The following KNL1 variants were observed in gnomAD, a reference collection of about 807,000 sequenced individuals.
The protein encoded by KNL1 is kinetochore scaffold 1.
A neutral mutation model predicts 201.3 loss-of-function variants in KNL1; 66 were observed. The ratio of observed to expected loss-of-function variants is 0.33; its 90% CI spans 0.27 to 0.40. KNL1 has a LOEUF of 0.40. KNL1 is among the 10% of genes least tolerant of loss of function. KNL1 has a pLI of 1.00. For synonymous variants in KNL1, 895 were observed against 899.2 expected (o/e 1.00, Z 0.08); for missense variants, 2,815 against 2,690.5 (o/e 1.05, Z -1.02).
At chr15:40,620,041 A>G (rs1449570432) in intron 9 of KNL1, among the ~76,000 whole-genome samples, 1 of 152,026 alleles carries the variant, frequency 6.6e-6, no homozygotes, top group Non-Finnish European at 1.5e-5. Flanking sequence ...CAGTCCTCCC[A>G]CCTCAGCCTT....
intron 1 of KNL1, 102 bp from the exon 2 acceptor site, chr15:40,602,813 G>T: frequency 1.6e-6 from 1 of 643,304 alleles, no homozygotes; most frequent in Non-Finnish European, 2.7e-6. Context: ...TCTTCCCTCA[G>T]AAAGTAACCC....
chr15:40,603,402 A>G (rs12916082), intron 2 of KNL1, among the ~76,000 whole-genome samples: 130,142 of 152,154 alleles, frequency 0.86, 56,470 homozygotes, highest in African/African-American at 0.94. Context: ...CCATGTCCCT[A>G]CAAAGTACAT....
intron 13 of KNL1, among the ~76,000 whole-genome samples, chr15:40,638,526 C>T (rs1048229924): frequency 1.3e-5 from 2 of 151,808 alleles, no homozygotes; most frequent in Non-Finnish European, 2.9e-5. Flanking sequence ...GAGTCTTGCT[C>T]TGTCACCTAG....
chr15:40,604,095 A>C (rs746895852), intron 2 of KNL1, among the ~76,000 whole-genome samples: 14 of 150,670 alleles, frequency 9.3e-5, no homozygotes, highest in Non-Finnish European at 1.9e-4. Context: ...TCTGCCTCCT[A>C]CCTCAAGACC....
intron 13 of KNL1, among the ~76,000 whole-genome samples, chr15:40,632,020 A>C (rs1168603950): frequency 6.6e-6 from 1 of 151,868 alleles, no homozygotes; most frequent in Admixed American, 6.6e-5. Flanking sequence ...AAAAAAAAAA[A>C]AAAAGAATAA....
chr15:40,659,716 G>A (rs971739890), intron 25 of KNL1, among the ~76,000 whole-genome samples: 4 of 151,958 alleles, frequency 2.6e-5, no homozygotes, highest in Non-Finnish European at 2.9e-5. Flanking sequence ...TCCTGACCTC[G>A]TGGTCCGCCC....
chr15:40,624,450 C>A lies in KNL1; in HGVS notation c.4186C>A (p.Arg1396=), dbSNP rs375607611. Residue 1396 remains arginine (R), a synonymous_variant, in exon 10 of 26, where the codon CGA becomes AGA. Coordinates refer to ENST00000399668, the MANE Select transcript of KNL1 (RefSeq NM_144508.5). ...AGATCAAGATCTGATTAAGGATCCA[C>A]GAAATCTATTGGCTAATCAAACTTT... is the stretch of plus-strand genomic sequence containing the variant. ...HKDQDLIKDP[R]NLLANQTLVY... The A allele has an allele frequency of 6.2e-7, 1 of 1,613,758 alleles. No homozygotes were observed. The highest frequency in any genetic ancestry group is 1.1e-5 in the South Asian group (1 of 91,078).
intron 14 of KNL1, among the ~76,000 whole-genome samples, chr15:40,641,892 C>T (rs888126826): frequency 3.9e-5 from 6 of 152,124 alleles, no homozygotes; most frequent in Non-Finnish European, 8.8e-5. Context: ...CTATGGTATA[C>T]GTAAATACTG....
At chr15:40,656,091 G>A (rs1448978195) in intron 22 of KNL1, among the ~76,000 whole-genome samples, 1 of 152,042 alleles carries the variant, frequency 6.6e-6, no homozygotes, top group Non-Finnish European at 1.5e-5. Context: ...GGAAACTACA[G>A]ATCAAAAAAC....
intron 13 of KNL1, among the ~76,000 whole-genome samples, chr15:40,629,766 G>T (rs1892860319): frequency 6.6e-6 from 1 of 151,946 alleles, no homozygotes; most frequent in Admixed American, 6.6e-5. Context: ...CTCCCAAAGT[G>T]CTGGGTTTAC....
intron 2 of KNL1, among the ~76,000 whole-genome samples, chr15:40,603,344 T>C (rs1443368278): frequency 2.0e-5 from 3 of 152,186 alleles, no homozygotes; most frequent in African/African-American, 7.2e-5. Flanking sequence ...GGTGTTTGGT[T>C]TTCTGTCCTT....
At chr15:40,617,439 T>G (rs1419657843) in intron 8 of KNL1, among the ~76,000 whole-genome samples, 2 of 152,202 alleles carry the variant, frequency 1.3e-5, no homozygotes, top group African/African-American at 4.8e-5. Context: ...ACTGTGGCAT[T>G]AAGCCACAGT....
At chr15:40,626,674 G>C (rs1385608577) in intron 10 of KNL1, among the ~76,000 whole-genome samples, 2 of 151,746 alleles carry the variant, frequency 1.3e-5, no homozygotes, top group Non-Finnish European at 2.9e-5. Context: ...CCATCTCCCT[G>C]GTTCAAGTGA....
rs761680194 is a variant in KNL1 at position 40,650,264 on chromosome 15, T to G, written c.6095-37T>G. The G allele has an allele frequency of 3.9e-6, 5 of 1,279,322 alleles. No individual in the cohort carries two copies. The East Asian group carries it at 1.2e-4, about 30-fold the overall frequency. The allele number at this position is 1,279,322 out of a possible 1,614,324, so 79.2% of individuals were successfully genotyped here. A position where few individuals can be genotyped will look rare whatever the true frequency, so the allele number is the denominator to read the frequency against. ...ACTTTGTTTTCTTTTTTTACTATTT[T>G]TCACTGAATTATTCTAACAAATACT... On this transcript the variant is annotated intron_variant, in intron 17 of 25. Transcript: ENST00000399668.
Position 40,604,303 on chromosome 15 carries a change from C to T in KNL1, c.36-807C>T, listed in dbSNP as rs75394906. Among the ~76,000 whole-genome samples, 1,284 of 152,114 alleles carry T rather than the reference C, an allele frequency of 8.4e-3. 16 individuals carry two copies. The highest frequency in any genetic ancestry group is 0.03 in the African/African-American group (1,236 of 41,518). ...AGAACCAGGAAGAAAAATGATTTGT[C>T]TAAAATTGACATCACAACCTGGTGG... On this transcript the variant is annotated intron_variant, in intron 2 of 25. Transcript: ENST00000399668.
Position 40,662,433 on chromosome 15 carries a change from C to T in KNL1, c.*245C>T. The stretch of plus-strand genomic sequence containing the variant: ...TACCAAAGGTTTAAGTAATAGGACA[C>T]TTAGGAAAAATGTCTCCTAACTAAA... On this transcript the variant is annotated 3_prime_UTR_variant, in exon 26 of 26. Transcript: ENST00000399668. 2 of 361,366 alleles carry T rather than the reference C, an allele frequency of 5.5e-6. No individual in the cohort carries two copies. The highest frequency in any genetic ancestry group is 1.0e-5 in the Non-Finnish European group (2 of 199,362). The allele number at this position is 361,366 out of a possible 1,614,324, so 22.4% of individuals were successfully genotyped here. A position where few individuals can be genotyped will look rare whatever the true frequency, so the allele number is the denominator to read the frequency against.
At chr15:40,650,227 CT>C (rs1056896648) in intron 17 of KNL1, 73 bp from the exon 18 acceptor site, 7 of 949,282 alleles carry the variant, frequency 7.4e-6, no homozygotes, top group African/African-American at 1.7e-5. Flanking sequence ...TTGAATTATT[CT>C]TTTTTTCCTT....
chr15:40,605,107 C>A lies in KNL1; in HGVS notation c.36-3C>A. The A allele has an allele frequency of 6.9e-7, 1 of 1,449,126 alleles. No individual in the cohort carries two copies. The highest frequency in any genetic ancestry group is 1.2e-5 in the South Asian group (1 of 86,884). The allele number at this position is 1,449,126 out of a possible 1,614,324, so 89.8% of individuals were successfully genotyped here. A position where few individuals can be genotyped will look rare whatever the true frequency, so the allele number is the denominator to read the frequency against. Reference sequence around the variant, plus strand: ...TGTATATAATTTTGTTTTCCTTTTTCAGTGACAATATAGAGAGACCTGTTA... The same window carrying A: ...TGTATATAATTTTGTTTTCCTTTTTAAGTGACAATATAGAGAGACCTGTTA... On this transcript the variant is annotated splice_region_variant and splice_polypyrimidine_tract_variant and intron_variant, in intron 2 of 25. Coordinates refer to ENST00000399668, the MANE Select transcript of KNL1 (RefSeq NM_144508.5).
Position 40,621,591 on chromosome 15 carries a change from C to G in KNL1, c.1327C>G (p.Leu443Val), listed in dbSNP as rs750154454. 9 of 1,610,194 alleles carry G rather than the reference C, an allele frequency of 5.6e-6. No individual in the cohort carries two copies. In the Admixed American group the frequency reaches 1.5e-4, roughly 27 times the overall value. The change falls in exon 10 of 26, where the codon CTC (leucine) becomes GTC (valine). Residue 443 changes from leucine to valine, a missense_variant. Physicochemically the swap from Leu to Val is conservative, Grantham distance 32. Transcript: ENST00000399668. The stretch of plus-strand genomic sequence containing the variant: ...TGATGCCATGGAAATGACCAAATGT[C>G]TCTCAAATATGAGAGAGGAGAAAAA... ...CNDAMEMTKCLSNMREEKNLL... is the reference protein window; with the variant it reads ...CNDAMEMTKCVSNMREEKNLL...
Sources: allele counts gnomAD v4.1 joint callset (sites outside exome capture counted in the v4.1 genomes callset), GRCh38; gene constraint gnomAD v4.1.1; transcripts MANE v1.5; gene names NCBI Gene and HGNC (gene_info 2026-07-23, HGNC 2026-07-21).